Variants in DSCAM observed in about 807,000 individuals in gnomAD.
The protein encoded by DSCAM is DS cell adhesion molecule.
Under a neutral mutation model 217.7 loss-of-function variants are expected in DSCAM, and 47 were observed. That is an observed-to-expected ratio of 0.22 (90% CI 0.17 to 0.28). The LOEUF is 0.28. Among genes scored for constraint, DSCAM ranks in the 10% least tolerant of loss-of-function variants. The pLI is 1.00. For synonymous variants in DSCAM, 1,056 were observed against 1,015.3 expected (o/e 1.04, Z -0.76); for missense variants, 2,080 against 2,618.3 (o/e 0.79, Z 4.49).
At chr21:40,834,015 G>A (rs1011293900) in intron 1 of DSCAM, among the ~76,000 whole-genome samples, 19 of 152,128 alleles carry the variant, frequency 1.2e-4, no homozygotes, top group African/African-American at 4.6e-4. Context: ...CTCTGTGGGT[G>A]CAAAATTGCC....
intron 11 of DSCAM, among the ~76,000 whole-genome samples, chr21:40,213,240 T>C (rs1419228070): frequency 6.6e-6 from 1 of 152,204 alleles, no homozygotes; most frequent in Non-Finnish European, 1.5e-5. Context: ...ATTTTGGGTA[T>C]CAAGGCTTCT....
chr21:40,620,586 A>C (rs1047022439), intron 3 of DSCAM, among the ~76,000 whole-genome samples: 2 of 152,086 alleles, frequency 1.3e-5, no homozygotes, highest in Non-Finnish European at 2.9e-5. Context: ...AGAAAAGAAA[A>C]AAGAAGATTG....
At chr21:40,083,151 G>A (rs1024181037) in intron 24 of DSCAM, among the ~76,000 whole-genome samples, 11 of 152,198 alleles carry the variant, frequency 7.2e-5, no homozygotes, top group East Asian at 3.9e-4. Context: ...CATTTAGGCC[G>A]GGCGTGGTGG....
chr21:40,293,445 G>A (rs144415616), intron 10 of DSCAM, among the ~76,000 whole-genome samples: 152 of 152,252 alleles, frequency 1.0e-3, no homozygotes, highest in Non-Finnish European at 2.0e-3. Flanking sequence ...TGATGACTTA[G>A]CCAAGCCAAC....
chr21:40,204,783 T>C (rs185391396), intron 11 of DSCAM, among the ~76,000 whole-genome samples: 31 of 152,358 alleles, frequency 2.0e-4, no homozygotes, highest in Admixed American at 5.2e-4. Flanking sequence ...GGTCGTATCC[T>C]AGCTTTCGAG....
At chr21:40,405,945 C>T (rs71316162) in intron 3 of DSCAM, among the ~76,000 whole-genome samples, 15,317 of 152,146 alleles carry the variant, frequency 0.1, 807 homozygotes, top group Non-Finnish European at 0.12. Context: ...TGCAGCGAGC[C>T]GAGATTGCAC....
intron 3 of DSCAM, among the ~76,000 whole-genome samples, chr21:40,660,916 T>A (rs1345474445): frequency 2.0e-5 from 3 of 152,338 alleles, no homozygotes; most frequent in Middle Eastern, 3.4e-3. Context: ...GGAGAACTCA[T>A]GGCAATGTTA....
intron 3 of DSCAM, among the ~76,000 whole-genome samples, chr21:40,437,960 C>T (rs2075598463): frequency 6.6e-6 from 1 of 152,250 alleles, no homozygotes; most frequent in African/African-American, 2.4e-5. Flanking sequence ...CTCATAGCCT[C>T]ACAGGTCTCA....
chr21:40,598,510 T>G (rs796646129), intron 3 of DSCAM, among the ~76,000 whole-genome samples: 3 of 138,810 alleles, frequency 2.2e-5, no homozygotes, highest in East Asian at 2.1e-4. Context: ...TTTTTTTTTT[T>G]TTTTTTTTTT....
intron 11 of DSCAM, among the ~76,000 whole-genome samples, chr21:40,213,687 A>T (rs2091209746): frequency 6.6e-6 from 1 of 152,172 alleles, no homozygotes; most frequent in Non-Finnish European, 1.5e-5. Flanking sequence ...GCTAGAAGGG[A>T]ATCTGTTAAG....
At chr21:40,160,027 T>C (rs1003633469) in intron 16 of DSCAM, among the ~76,000 whole-genome samples, 1 of 152,210 alleles carries the variant, frequency 6.6e-6, no homozygotes, top group Non-Finnish European at 1.5e-5. Flanking sequence ...GGAATCAGCA[T>C]CTAGGATAGG....
intron 3 of DSCAM, among the ~76,000 whole-genome samples, chr21:40,452,110 G>A (rs2145930710): frequency 6.6e-6 from 1 of 151,908 alleles, no homozygotes; most frequent in Non-Finnish European, 1.5e-5. Context: ...GATTAAATGT[G>A]GAGAAAAATA....
intron 20 of DSCAM, among the ~76,000 whole-genome samples, chr21:40,095,175 T>A (rs554762154): frequency 4.9e-4 from 75 of 152,352 alleles, no homozygotes; most frequent in African/African-American, 1.8e-3. Context: ...GGGTTCCCCC[T>A]TGTAAAACCA....
At chr21:40,147,568 A>G (rs1291039182) in intron 16 of DSCAM, among the ~76,000 whole-genome samples, 1 of 152,242 alleles carries the variant, frequency 6.6e-6, no homozygotes, top group Admixed American at 6.5e-5. Flanking sequence ...TCTGCAAAAT[A>G]TTGTGTGGAA....
intron 3 of DSCAM, among the ~76,000 whole-genome samples, chr21:40,403,281 G>A (rs2075253236): frequency 6.6e-6 from 1 of 151,748 alleles, no homozygotes; most frequent in Non-Finnish European, 1.5e-5. Context: ...ATTTTTTAAT[G>A]TCCAGGTGAT....
At chr21:40,097,546 G>A (rs2089690911) in intron 20 of DSCAM, among the ~76,000 whole-genome samples, 1 of 152,080 alleles carries the variant, frequency 6.6e-6, no homozygotes, top group African/African-American at 2.4e-5. Flanking sequence ...CATAAACATA[G>A]TAATAATAAT....
chr21:40,015,605 C>A (rs138990709), intron 32 of DSCAM, among the ~76,000 whole-genome samples: 2 of 152,086 alleles, frequency 1.3e-5, no homozygotes, highest in Non-Finnish European at 2.9e-5. Context: ...AATTATTATT[C>A]TTAAAATATT....
chr21:40,575,463 G>A (rs1206006409), intron 3 of DSCAM, among the ~76,000 whole-genome samples: 1 of 88,450 alleles, frequency 1.1e-5, no homozygotes, highest in African/African-American at 4.5e-5. Context: ...ATTAGATTAC[G>A]GGAATAGAAT....
At chr21:40,072,769 T>G (rs1165363010) in intron 27 of DSCAM, among the ~76,000 whole-genome samples, 2 of 152,090 alleles carry the variant, frequency 1.3e-5, no homozygotes, top group African/African-American at 4.8e-5. Flanking sequence ...TTAACATCTC[T>G]TAGTAATACT....
Sources: gnomAD v4.1 joint callset for allele counts (sites outside exome capture counted in the v4.1 genomes callset) on GRCh38, gnomAD v4.1.1 for gene constraint, MANE v1.5 for transcripts, NCBI Gene and HGNC (gene_info 2026-07-23, HGNC 2026-07-21) for gene names.